The following PACRG variants were observed in gnomAD, a reference collection of about 807,000 sequenced individuals.
PACRG encodes the protein parkin coregulated gene protein.
A neutral mutation model predicts 29.7 loss-of-function variants in PACRG; 29 were observed. The observed-to-expected ratio is 0.98, with a 90% confidence interval of 0.73 to 1.33. PACRG has a LOEUF of 1.33. Among genes scored for constraint, PACRG ranks in the 40% most tolerant of loss-of-function variants. PACRG has a pLI of 0.00. For missense variants in PACRG, 279 were observed against 316.2 expected, an observed-to-expected ratio of 0.88 and a Z score of 0.89; for synonymous variants, 116 against 118.7, an observed-to-expected ratio of 0.98 and a Z score of 0.15.
chr6:163,050,751 G>A (rs548970604), intron 2 of PACRG, among the ~76,000 whole-genome samples: 1 of 152,276 alleles, frequency 6.6e-6, no homozygotes, highest in Admixed American at 6.5e-5. Flanking sequence ...AATGAGACAT[G>A]TAATTTCCAT....
intron 4 of PACRG, among the ~76,000 whole-genome samples, chr6:163,122,610 A>T (rs189526704): frequency 4.6e-5 from 7 of 152,138 alleles, no homozygotes. Context: ...TTCGACTTCC[A>T]CTGTGACCAG....
At chr6:162,847,467 T>G (rs2128420424) in intron 2 of PACRG, among the ~76,000 whole-genome samples, 1 of 151,774 alleles carries the variant, frequency 6.6e-6, no homozygotes, top group Non-Finnish European at 1.5e-5. Flanking sequence ...TACTCGATAC[T>G]TTGCTATGAG....
At chr6:163,314,225 T>C (rs569261562) in intron 4 of PACRG, among the ~76,000 whole-genome samples, 1 of 152,288 alleles carries the variant, frequency 6.6e-6, no homozygotes, top group South Asian at 2.1e-4. Context: ...CAAATAGCTG[T>C]CATCCCAGCA....
intron 2 of PACRG, among the ~76,000 whole-genome samples, chr6:162,908,164 C>T (rs1796063585): frequency 6.6e-6 from 1 of 152,140 alleles, no homozygotes; most frequent in South Asian, 2.1e-4. Context: ...TTACACTTTT[C>T]CTATTGAATA....
At chr6:163,304,031 A>T (rs1785103565) in intron 4 of PACRG, among the ~76,000 whole-genome samples, 2 of 151,432 alleles carry the variant, frequency 1.3e-5, no homozygotes, top group African/African-American at 2.4e-5. Context: ...AAAAAAAAAA[A>T]AAAAAAAGTA....
chr6:163,001,020 G>T (rs1804543041), intron 2 of PACRG, among the ~76,000 whole-genome samples: 1 of 152,156 alleles, frequency 6.6e-6, no homozygotes, highest in Admixed American at 6.5e-5. Context: ...TCTGCCCCGG[G>T]AAGGCCGAAA....
intron 1 of PACRG, among the ~76,000 whole-genome samples, chr6:162,741,365 C>T (rs1584198089): frequency 6.6e-6 from 1 of 152,190 alleles, no homozygotes. Context: ...ACATTTATTT[C>T]TCATGGTTCT....
chr6:162,750,435 T>G (rs1781429919), intron 1 of PACRG, among the ~76,000 whole-genome samples: 6 of 152,236 alleles, frequency 3.9e-5, no homozygotes, highest in Admixed American at 3.9e-4. Flanking sequence ...CATGTATTCC[T>G]AAGGCTTGAA....
intron 1 of PACRG, among the ~76,000 whole-genome samples, chr6:162,738,891 C>G (rs1780364017): frequency 6.6e-6 from 1 of 152,174 alleles, no homozygotes; most frequent in African/African-American, 2.4e-5. Flanking sequence ...CCTGCTATGT[C>G]ATATTCCATT....
chr6:163,191,710 C>T, intron 4 of PACRG: 1 of 456,350 alleles, frequency 2.2e-6, no homozygotes, highest in South Asian at 1.5e-5. Flanking sequence ...TCCACCCATC[C>T]ACCAAAATGC....
chr6:162,949,927 AC>A (rs1799520366), intron 2 of PACRG, among the ~76,000 whole-genome samples: 1 of 152,198 alleles, frequency 6.6e-6, no homozygotes, highest in South Asian at 2.1e-4. Context: ...AGGATGTGGA[AC>A]TGAAAGACTG....
intron 2 of PACRG, among the ~76,000 whole-genome samples, chr6:162,892,640 A>G (rs1397509613): frequency 1.3e-5 from 2 of 152,096 alleles, no homozygotes; most frequent in African/African-American, 4.8e-5. Flanking sequence ...GATAGGTGGG[A>G]CAGGGACCAC....
chr6:163,285,200 C>T (rs1394988608), intron 4 of PACRG, among the ~76,000 whole-genome samples: 2 of 152,020 alleles, frequency 1.3e-5, no homozygotes, highest in Non-Finnish European at 2.9e-5. Context: ...CCACCTGCAA[C>T]TCCACCGGAC....
Position 162,747,474 on chromosome 6 carries a change from C to CTATATATATATATATATATATATA in PACRG, c.156+19102_156+19103insATATATATATATATATATATATAT, listed in dbSNP as rs377352285. ...TATAACTATAAATATATATGTAAAA[C>CTATATATATATATATATATATATA]TATATATATATATATATATTCCATT... is the stretch of plus-strand genomic sequence containing the variant. On this transcript the variant is annotated intron_variant, in intron 1 of 4. Coordinates refer to ENST00000366888, the MANE Select transcript of PACRG (RefSeq NM_001080379.2). Among the ~76,000 whole-genome samples, 218 of 44,714 alleles carry CTATATATATATATATATATATATA rather than the reference C, an allele frequency of 4.9e-3. 22 individuals are homozygous for CTATATATATATATATATATATATA. Among genetic ancestry groups the CTATATATATATATATATATATATA allele is most frequent in the East Asian group, 0.011 (10 of 928 alleles). The allele number at this position is 44,714 out of a possible 152,430, so 29.3% of individuals were successfully genotyped here. A position where few individuals can be genotyped will look rare whatever the true frequency, so the allele number is the denominator to read the frequency against.
At chr6:162,749,183 T>A (rs986870002) in intron 1 of PACRG, among the ~76,000 whole-genome samples, 12 of 152,192 alleles carry the variant, frequency 7.9e-5, no homozygotes, top group Admixed American at 2.0e-4. Context: ...TTGACTTGGG[T>A]GGTGTCCAGT....
At chr6:163,137,475 C>T (rs769306349) in intron 4 of PACRG, among the ~76,000 whole-genome samples, 2 of 152,142 alleles carry the variant, frequency 1.3e-5, no homozygotes, top group Non-Finnish European at 2.9e-5. Context: ...CACCAAAATC[C>T]TCAGAACTCC....
At position 163,158,854 on chromosome 6, in the gene PACRG, C is replaced by CT. The variant is rs1349807233; in HGVS notation, c.613+69455dup. Among the ~76,000 whole-genome samples the CT allele has an allele frequency of 1.7e-4, 25 of 151,178 alleles. No individual in the cohort carries two copies. In the East Asian group the frequency reaches 2.1e-3, roughly 13 times the overall value. ...CTCAAACTAAACATGGCTTCTTTAGCTTTTTTTTTGCAATGGAATTGCAAA... is the reference window on the plus strand; with the variant it reads ...CTCAAACTAAACATGGCTTCTTTAGCTTTTTTTTTTGCAATGGAATTGCAAA... On this transcript the variant is annotated intron_variant, in intron 4 of 4. Coordinates refer to ENST00000366888, the MANE Select transcript of PACRG (RefSeq NM_001080379.2).
At chr6:162,914,612 A>AT (rs1554303022) in intron 2 of PACRG, among the ~76,000 whole-genome samples, 2 of 150,182 alleles carry the variant, frequency 1.3e-5, no homozygotes, top group African/African-American at 2.4e-5. Flanking sequence ...AAAAAAAAAA[A>AT]ACCTGCTGGA....
At chr6:162,998,707 C>G (rs368227955) in intron 2 of PACRG, among the ~76,000 whole-genome samples, 27 of 152,136 alleles carry the variant, frequency 1.8e-4, no homozygotes, top group Non-Finnish European at 3.2e-4. Context: ...TATTTCTGCT[C>G]TAGAAGCATG....
Sources: allele counts gnomAD v4.1 joint callset (sites outside exome capture counted in the v4.1 genomes callset), GRCh38; gene constraint gnomAD v4.1.1; transcripts MANE v1.5; gene names NCBI Gene and HGNC (gene_info 2026-07-23, HGNC 2026-07-21).